STX8: variants seen among roughly 807,000 people sequenced by gnomAD.
STX8 encodes syntaxin-8.
STX8 carries 23 observed loss-of-function variants against 37.5 expected under a neutral mutation model. The observed-to-expected ratio is 0.61, with a 90% CI of 0.44 to 0.87. The LOEUF (loss-of-function observed/expected upper bound fraction) is 0.87, where lower values mean the gene tolerates loss of function less well. Among genes scored for constraint, STX8 ranks in the 40% least tolerant of loss-of-function variants. The probability of loss-of-function intolerance (pLI) is 0.00; values close to 1 mark genes in which losing one functional copy is unlikely to be tolerated. For missense variants in STX8, 313 were observed against 284.7 expected, an observed-to-expected ratio of 1.10 and a Z score of -0.71; for synonymous variants, 115 against 99.1, an observed-to-expected ratio of 1.16 and a Z score of -0.95.
intron 6 of STX8, among the ~76,000 whole-genome samples, chr17:9,456,891 T>C (rs549319901): frequency 2.8e-4 from 42 of 152,294 alleles, no homozygotes; most frequent in African/African-American, 9.9e-4. Flanking sequence ...ATTCTGGGGT[T>C]TTTTTCTCCT....
intron 6 of STX8, among the ~76,000 whole-genome samples, chr17:9,409,859 G>A (rs1004155184): frequency 6.6e-6 from 1 of 152,222 alleles, no homozygotes; most frequent in East Asian, 1.9e-4. Flanking sequence ...AAAACAGTCT[G>A]TACAAAAGTA....
At chr17:9,339,380 T>C (rs1336896548) in intron 7 of STX8, among the ~76,000 whole-genome samples, 1 of 152,046 alleles carries the variant, frequency 6.6e-6, no homozygotes, top group Non-Finnish European at 1.5e-5. Context: ...TCAGGCCGGG[T>C]GCAGTGGCTC....
At chr17:9,408,039 T>C (rs950197324) in intron 6 of STX8, among the ~76,000 whole-genome samples, 1 of 152,184 alleles carries the variant, frequency 6.6e-6, no homozygotes, top group Non-Finnish European at 1.5e-5. Flanking sequence ...GGGTAAAATA[T>C]TTTGATTTTC....
chr17:9,473,379 A>G (rs1195552135), intron 6 of STX8, among the ~76,000 whole-genome samples: 4 of 152,192 alleles, frequency 2.6e-5, no homozygotes, highest in African/African-American at 9.7e-5. Flanking sequence ...CCTTGCTGTA[A>G]TATAATAAAA....
intron 7 of STX8, among the ~76,000 whole-genome samples, chr17:9,278,144 G>C (rs887067490): frequency 6.6e-6 from 1 of 151,720 alleles, no homozygotes; most frequent in Non-Finnish European, 1.5e-5. Flanking sequence ...AGTGGAGACA[G>C]AGGGATTGAA....
chr17:9,454,098 G>A (rs1032976702), intron 6 of STX8, among the ~76,000 whole-genome samples: 4 of 152,134 alleles, frequency 2.6e-5, no homozygotes, highest in Non-Finnish European at 5.9e-5. Context: ...TAAATAAATT[G>A]AATATCATAT....
intron 7 of STX8, among the ~76,000 whole-genome samples, chr17:9,330,502 G>C (rs755226840): frequency 1.2e-4 from 18 of 152,190 alleles, no homozygotes; most frequent in Non-Finnish European, 1.9e-4. Flanking sequence ...TGCGATGTAT[G>C]AACAGGGCTC....
intron 4 of STX8, among the ~76,000 whole-genome samples, chr17:9,535,332 A>C (rs1905986140): frequency 6.6e-6 from 1 of 151,922 alleles, no homozygotes; most frequent in Non-Finnish European, 1.5e-5. Flanking sequence ...AATTGCTGGC[A>C]CAAGTCTAGA....
At chr17:9,288,124 C>A (rs922282047) in intron 7 of STX8, among the ~76,000 whole-genome samples, 228 of 24,406 alleles carry the variant, frequency 9.3e-3, no homozygotes, top group Admixed American at 0.01. Context: ...AAAAGCAAAA[C>A]AAACAAACAA....
chr17:9,283,684 G>A (rs1475824489), intron 7 of STX8, among the ~76,000 whole-genome samples: 1 of 152,132 alleles, frequency 6.6e-6, no homozygotes, highest in Non-Finnish European at 1.5e-5. Flanking sequence ...ATTTAATAAG[G>A]TTGAACTGTA....
intron 7 of STX8, among the ~76,000 whole-genome samples, chr17:9,320,961 A>C (rs1400620047): frequency 1.3e-5 from 2 of 151,898 alleles, no homozygotes; most frequent in South Asian, 2.1e-4. Context: ...AAAAAAAAAA[A>C]CTTAACTCTA....
At chr17:9,392,378 C>T (rs1024432542) in intron 6 of STX8, among the ~76,000 whole-genome samples, 3 of 152,106 alleles carry the variant, frequency 2.0e-5, no homozygotes, top group African/African-American at 4.8e-5. Flanking sequence ...GGAGCTGAAT[C>T]GTGATGATTG....
chr17:9,540,203 C>T (rs903017495), intron 4 of STX8, among the ~76,000 whole-genome samples: 2 of 152,178 alleles, frequency 1.3e-5, no homozygotes, highest in Admixed American at 6.5e-5. Context: ...CTTTAGCATT[C>T]ACTCCTCCAT....
intron 6 of STX8, among the ~76,000 whole-genome samples, chr17:9,385,356 A>G (rs969945166): frequency 1.3e-5 from 2 of 152,226 alleles, no homozygotes; most frequent in African/African-American, 4.8e-5. Flanking sequence ...ATCCAAAGAT[A>G]CTATTACAAA....
chr17:9,385,533 C>T (rs1035961494), intron 6 of STX8, among the ~76,000 whole-genome samples: 4 of 152,112 alleles, frequency 2.6e-5, no homozygotes, highest in African/African-American at 9.7e-5. Context: ...AGAAGATATA[C>T]AAATGGCCAA....
intron 5 of STX8, among the ~76,000 whole-genome samples, chr17:9,499,494 G>A (rs1437388079): frequency 6.6e-6 from 1 of 152,152 alleles, no homozygotes; most frequent in African/African-American, 2.4e-5. Context: ...CGCCTCCCGA[G>A]TTCAAGCCAT....
At chr17:9,524,100 T>G (rs1905466872) in intron 4 of STX8, among the ~76,000 whole-genome samples, 1 of 152,208 alleles carries the variant, frequency 6.6e-6, no homozygotes, top group Non-Finnish European at 1.5e-5. Flanking sequence ...TCGGGTAACT[T>G]TTATGCAACC....
chr17:9,312,849 A>C (rs952032692), intron 7 of STX8, among the ~76,000 whole-genome samples: 2 of 152,148 alleles, frequency 1.3e-5, no homozygotes, highest in African/African-American at 4.8e-5. Context: ...ATAGATCGTC[A>C]AGGTAGAATC....
chr17:9,334,800 A>G (rs1031390916), intron 7 of STX8, among the ~76,000 whole-genome samples: 8 of 152,164 alleles, frequency 5.3e-5, no homozygotes, highest in African/African-American at 1.9e-4. Flanking sequence ...GGCATAAATG[A>G]GCACATAAGA....
Sources: gnomAD v4.1 joint callset for allele counts (sites outside exome capture counted in the v4.1 genomes callset) on GRCh38, gnomAD v4.1.1 for gene constraint, MANE v1.5 for transcripts, NCBI Gene and HGNC (gene_info 2026-07-23, HGNC 2026-07-21) for gene names.